IGF2R: variants seen among roughly 807,000 people sequenced by gnomAD.
IGF2R encodes the protein insulin like growth factor 2 receptor, also known as cation-independent mannose-6-phosphate receptor.
A neutral mutation model predicts 270.6 loss-of-function variants in IGF2R; 91 were observed. The observed-to-expected ratio is 0.34, with a 90% CI of 0.28 to 0.40. The LOEUF is 0.40. Among genes scored for constraint, IGF2R ranks in the 10% least tolerant of loss-of-function variants. The pLI, the probability that IGF2R is intolerant of heterozygous loss-of-function variation, is 1.00. For missense variants in IGF2R, 2,805 were observed against 3,188.3 expected (o/e 0.88, Z 2.90); for synonymous variants, 1,316 against 1,258.9 (o/e 1.05, Z -0.96).
In IGF2R at chr6:160,102,111, C is replaced by G. The variant is rs1779500030; in HGVS notation, c.6843-408C>G. ...TCATGGTGGGCTGCGCTCACTGCTT[C>G]CAGAAGAAATTCTGAGAGGAAAGAG... is the stretch of plus-strand genomic sequence containing the variant. On this transcript the variant is annotated intron_variant, in intron 45 of 47. Coordinates refer to ENST00000356956, the MANE Select transcript of IGF2R (RefSeq NM_000876.4). This position sits in a 1 kb window ranked among gnomAD's most constrained non-coding sequence, Gnocchi z 4.5. Among the ~76,000 whole-genome samples, 1 of 152,220 alleles carries G rather than the reference C, an allele frequency of 6.6e-6. No individual in the cohort carries two copies. The highest frequency in any genetic ancestry group is 2.4e-5 in the African/African-American group (1 of 41,468).
intron 4 of IGF2R, among the ~76,000 whole-genome samples, chr6:160,020,495 T>A (rs966463386): frequency 1.7e-4 from 26 of 152,046 alleles, no homozygotes; most frequent in Admixed American, 1.7e-3. Flanking sequence ...CAAACCAATC[T>A]TAAGGAAAAT....
intron 44 of IGF2R, chr6:160,095,590 C>T (rs149778315): frequency 1.3e-5 from 2 of 152,356 alleles, no homozygotes; most frequent in Non-Finnish European, 2.9e-5. Context: ...TTTCCCAGCT[C>T]CTTGTGTAGA....
In IGF2R at chr6:160,043,276, G is replaced by C. The variant is rs145066110; in HGVS notation, c.1609G>C (p.Val537Leu). 205 of 1,613,902 alleles carry C rather than the reference G, an allele frequency of 1.3e-4. No homozygotes were observed. The highest frequency in any genetic ancestry group is 1.5e-4 in the Non-Finnish European group (182 of 1,179,946). ...ACGAGGGTGTCCCGAGGACGCGGCA[G>C]TGTGTGCAGTGGGTGAGTTGTGCCT... The part of the protein sequence containing the change: ...KARGCPEDAA[V>L]CAVDKNGSKN... The change falls in exon 12 of 48, where the codon GTG becomes CTG. Residue 537 changes from valine to leucine, a missense_variant. Val to Leu is a conservative substitution (Grantham distance 32). Transcript: ENST00000356956.
intron 4 of IGF2R, among the ~76,000 whole-genome samples, chr6:160,017,344 A>G (rs189809295): frequency 6.6e-6 from 1 of 152,368 alleles, no homozygotes; most frequent in African/African-American, 2.4e-5. Context: ...AAATGAACGA[A>G]GTGTTTGAGA....
chr6:160,061,164 C>A (rs955978330), intron 23 of IGF2R, among the ~76,000 whole-genome samples: 15 of 152,236 alleles, frequency 9.9e-5, no homozygotes, highest in African/African-American at 3.6e-4. Flanking sequence ...TTGTCAAGGG[C>A]AGTGGGGGTT....
chr6:159,986,406 G>T (rs59737383), intron 1 of IGF2R, among the ~76,000 whole-genome samples: 1,262 of 103,230 alleles, frequency 0.012, 17 homozygotes, highest in African/African-American at 0.042. Flanking sequence ...TAATTTTTGT[G>T]TGTGTGTGTG....
chr6:160,088,274 C>T (rs1221639606), intron 42 of IGF2R, 127 bp downstream of exon 42: 9 of 678,284 alleles, frequency 1.3e-5, no homozygotes, highest in Admixed American at 4.3e-5. Flanking sequence ...GCTGATTGTG[C>T]TGTATTGGGC....
chr6:160,027,182 C>G lies in IGF2R; in HGVS notation c.647-3C>G. On this transcript the variant is annotated splice_polypyrimidine_tract_variant and splice_region_variant and intron_variant, in intron 5 of 47. Coordinates refer to ENST00000356956, the MANE Select transcript of IGF2R (RefSeq NM_000876.4). ...CTGATTTAATGTAATACATGATTTTCAGACACACTACGAGACCCAGGTTCA... is the reference window on the plus strand; with the variant it reads ...CTGATTTAATGTAATACATGATTTTGAGACACACTACGAGACCCAGGTTCA... 2 of 1,614,198 alleles carry G rather than the reference C, an allele frequency of 1.2e-6. No homozygotes were observed. The highest frequency in any genetic ancestry group is 1.7e-6 in the Non-Finnish European group (2 of 1,180,024).
At chr6:159,975,060 C>T (rs1783667387) in intron 1 of IGF2R, among the ~76,000 whole-genome samples, 1 of 152,132 alleles carries the variant, frequency 6.6e-6, no homozygotes, top group African/African-American at 2.4e-5. Context: ...CAATTCAATT[C>T]CTGACCCTGT....
intron 17 of IGF2R, 33 bp downstream of exon 17, chr6:160,047,940 T>C (rs781120845): frequency 3.8e-6 from 5 of 1,318,068 alleles, no homozygotes; most frequent in Non-Finnish European, 5.5e-6. Flanking sequence ...GTTTTTGGCC[T>C]GGTACAGATG....
chr6:160,000,735 T>TTTTTTTTTTTTG lies in IGF2R; in HGVS notation c.290-8264_290-8263insGTTTTTTTTTTT, dbSNP rs1554236894. Among the ~76,000 whole-genome samples the TTTTTTTTTTTTG allele has an allele frequency of 4.1e-3, 571 of 138,564 alleles. 14 individuals carry two copies. Among genetic ancestry groups the TTTTTTTTTTTTG allele is most frequent in the African/African-American group, 0.015 (544 of 35,428 alleles). 90.9% of individuals were successfully genotyped at this position (138,564 alleles called of 152,430 possible). ...AATAGTTGGTGTGAGGTTGTTTTTT[T>TTTTTTTTTTTTG]TTTTTTTTTTTTTTTTTTGAGACAG... On this transcript the variant is annotated intron_variant, in intron 2 of 47. Transcript: ENST00000356956.
At chr6:160,099,111 C>T (rs1779426851) in intron 45 of IGF2R, among the ~76,000 whole-genome samples, 1 of 152,128 alleles carries the variant, frequency 6.6e-6, no homozygotes. Flanking sequence ...GTGCCCAGCA[C>T]AGTTATTGAT....
chr6:160,074,250 C>G (rs1042986549), intron 35 of IGF2R, among the ~76,000 whole-genome samples: 1 of 152,094 alleles, frequency 6.6e-6, no homozygotes, highest in African/African-American at 2.4e-5. Context: ...AGGGTTGACC[C>G]AAATCAAGAA....
At chr6:160,090,306 G>A (rs912066825) in intron 44 of IGF2R, 7 of 388,296 alleles carry the variant, frequency 1.8e-5, no homozygotes, top group Non-Finnish European at 3.2e-5. Context: ...TAGGCAAATT[G>A]TGTCTTAGTT....
At chr6:159,972,054 A>G (rs1783616937) in intron 1 of IGF2R, among the ~76,000 whole-genome samples, 1 of 152,232 alleles carries the variant, frequency 6.6e-6, no homozygotes, top group African/African-American at 2.4e-5. Context: ...TTTATGAGAT[A>G]AAACTGGCTA....
intron 46 of IGF2R, among the ~76,000 whole-genome samples, chr6:160,103,442 T>TAGTGGC (rs1333761763): frequency 6.6e-6 from 1 of 152,182 alleles, no homozygotes; most frequent in East Asian, 1.9e-4. Context: ...TGGGCAGGCT[T>TAGTGGC]AGTGGCGACG....
rs1050015 is a variant in IGF2R at position 160,106,148 on chromosome 6, C to T, written c.*1064C>T. On this transcript the variant is annotated 3_prime_UTR_variant, in exon 48 of 48. Transcript: ENST00000356956. ...AAAATCATGGGCCAGAGCCTCGGCC[C>T]TAGCATTGCACTTGGCCTCATGCTG... 2 of 152,370 alleles carry T rather than the reference C, an allele frequency of 1.3e-5. No individual in the cohort carries two copies. The highest frequency in any genetic ancestry group is 4.8e-5 in the African/African-American group (2 of 41,334). 9.4% of individuals were successfully genotyped at this position (152,370 alleles called of 1,614,324 possible). A position where few individuals can be genotyped will look rare whatever the true frequency, so the allele number is the denominator to read the frequency against.
At chr6:160,062,043 T>C in intron 25 of IGF2R, 115 bp downstream of exon 25, 1 of 949,204 alleles carries the variant, frequency 1.1e-6, no homozygotes, top group East Asian at 2.5e-5. Flanking sequence ...TCGTGGAGTT[T>C]CAGCCATTGC....
intron 4 of IGF2R, among the ~76,000 whole-genome samples, chr6:160,011,588 A>G (rs1784336429): frequency 1.6e-5 from 2 of 127,720 alleles, no homozygotes; most frequent in South Asian, 4.7e-4. Context: ...CTTAAAATCT[A>G]CTCTCTTAGT....
Sources: gnomAD v4.1 joint callset for allele counts (sites outside exome capture counted in the v4.1 genomes callset) on GRCh38, gnomAD v4.1.1 for gene constraint, Gnocchi (gnomAD v3.1) non-coding constraint, MANE v1.5 for transcripts, NCBI Gene and HGNC (gene_info 2026-07-23, HGNC 2026-07-21) for gene names.